LRP1B: variants seen among roughly 807,000 people sequenced by gnomAD.
The protein encoded by LRP1B is low-density lipoprotein receptor-related protein 1B.
LRP1B carries 217 observed loss-of-function variants against 556.6 expected under a neutral mutation model. That is an observed-to-expected ratio of 0.39 (90% CI 0.35 to 0.44). LRP1B has a LOEUF of 0.44. Ranked by LOEUF, LRP1B falls within the 20% of genes least tolerant of loss-of-function variation. The probability of loss-of-function intolerance (pLI) is 1.00; values close to 1 mark genes in which losing one functional copy is unlikely to be tolerated. For missense variants in LRP1B, 5,053 were observed against 5,620.8 expected (o/e 0.90, Z 3.23); for synonymous variants, 2,047 against 1,865.8 (o/e 1.10, Z -2.50).
chr2:141,551,339 A>G (rs1158461004), intron 2 of LRP1B, among the ~76,000 whole-genome samples: 2 of 152,140 alleles, frequency 1.3e-5, no homozygotes, highest in East Asian at 3.9e-4. Flanking sequence ...AACATTTAAA[A>G]AAGAGCTTCT....
chr2:140,760,430 C>T (rs1244068774), intron 35 of LRP1B, among the ~76,000 whole-genome samples: 3 of 152,128 alleles, frequency 2.0e-5, no homozygotes, highest in African/African-American at 4.8e-5. Context: ...TACACAATTT[C>T]CCCCACTTGA....
At chr2:141,421,608 A>G (rs1204587786) in intron 3 of LRP1B, among the ~76,000 whole-genome samples, 1 of 152,192 alleles carries the variant, frequency 6.6e-6, no homozygotes, top group Non-Finnish European at 1.5e-5. Context: ...TTTGAAAATG[A>G]CATTTAACCT....
At chr2:141,436,365 T>A (rs1032920236) in intron 3 of LRP1B, among the ~76,000 whole-genome samples, 3 of 152,114 alleles carry the variant, frequency 2.0e-5, no homozygotes, top group Non-Finnish European at 2.9e-5. Context: ...TCTAAAAGCA[T>A]TGAACTCATA....
chr2:141,185,697 C>CAAAAAAAAAAAAAAAAAAAA (rs533419513), intron 7 of LRP1B, among the ~76,000 whole-genome samples: 1 of 77,792 alleles, frequency 1.3e-5, no homozygotes. Flanking sequence ...CAAAAAAAAA[C>CAAAAAAAAAAAAAAAAAAAA]AAAAAAAAAA....
At chr2:141,982,728 C>G (rs1702076759) in intron 1 of LRP1B, among the ~76,000 whole-genome samples, 1 of 152,076 alleles carries the variant, frequency 6.6e-6, no homozygotes, top group South Asian at 2.1e-4. Context: ...ACTGTCTCAC[C>G]TTAGTTATTC....
intron 7 of LRP1B, among the ~76,000 whole-genome samples, chr2:141,075,840 G>A (rs566005650): frequency 2.0e-5 from 3 of 152,244 alleles, no homozygotes; most frequent in Admixed American, 1.3e-4. Context: ...ACTAAATGGA[G>A]GAAAACAGTG....
At chr2:141,059,281 G>T (rs953566515) in intron 8 of LRP1B, among the ~76,000 whole-genome samples, 5 of 151,840 alleles carry the variant, frequency 3.3e-5, no homozygotes, top group African/African-American at 1.2e-4. Context: ...TGTAGGGACA[G>T]AATTGTATTC....
chr2:141,265,489 G>A (rs1684851880), intron 3 of LRP1B, among the ~76,000 whole-genome samples: 1 of 152,164 alleles, frequency 6.6e-6, no homozygotes, highest in Admixed American at 6.5e-5. Flanking sequence ...GAGCCTTGAG[G>A]TCTATGCTGT....
intron 7 of LRP1B, among the ~76,000 whole-genome samples, chr2:141,131,845 T>G (rs193058091): frequency 1.3e-5 from 2 of 151,726 alleles, no homozygotes; most frequent in East Asian, 3.9e-4. Flanking sequence ...CATTTTTTTT[T>G]AATTTCCATA....
intron 76 of LRP1B, among the ~76,000 whole-genome samples, chr2:140,351,413 GA>G (rs1171413281): frequency 6.6e-6 from 1 of 151,872 alleles, no homozygotes; most frequent in Non-Finnish European, 1.5e-5. Context: ...AAAAGTTTCT[GA>G]TTACTTAATT....
chr2:140,558,512 A>G (rs767561653), intron 43 of LRP1B, among the ~76,000 whole-genome samples: 3 of 152,156 alleles, frequency 2.0e-5, no homozygotes, highest in Non-Finnish European at 4.4e-5. Context: ...CACATATTAT[A>G]TGATTTAATT....
At chr2:140,919,269 A>G (rs1037334611) in intron 21 of LRP1B, among the ~76,000 whole-genome samples, 2 of 152,124 alleles carry the variant, frequency 1.3e-5, no homozygotes, top group Admixed American at 6.6e-5. Context: ...GGCCCACTCC[A>G]TTATTTCCAG....
intron 3 of LRP1B, among the ~76,000 whole-genome samples, chr2:141,259,671 A>T (rs1451070264): frequency 1.3e-5 from 2 of 152,128 alleles, no homozygotes; most frequent in Non-Finnish European, 2.9e-5. Context: ...ATCAGCGAAA[A>T]ATTGGATTAT....
chr2:140,371,421 CTG>C (rs1682988755), intron 69 of LRP1B, 136 bp from the exon 70 acceptor site: 1 of 399,510 alleles, frequency 2.5e-6, no homozygotes, highest in Non-Finnish European at 4.6e-6. Flanking sequence ...CATTTAATGA[CTG>C]GTATTACAGA....
At chr2:141,577,750 C>T (rs1214714058) in intron 2 of LRP1B, among the ~76,000 whole-genome samples, 1 of 152,148 alleles carries the variant, frequency 6.6e-6, no homozygotes, top group African/African-American at 2.4e-5. Flanking sequence ...TTAAATTGTA[C>T]TTTTGTGACT....
At chr2:141,499,023 T>A (rs1420521521) in intron 2 of LRP1B, among the ~76,000 whole-genome samples, 2 of 152,118 alleles carry the variant, frequency 1.3e-5, no homozygotes. Context: ...AATTAATGTC[T>A]CTACTCTGAT....
chr2:142,046,599 C>T (rs564824844), intron 1 of LRP1B, among the ~76,000 whole-genome samples: 11 of 151,988 alleles, frequency 7.2e-5, no homozygotes, highest in South Asian at 4.1e-4. Context: ...AAAAATAGAA[C>T]GTGTGTAAAA....
intron 22 of LRP1B, 63 bp from the exon 23 acceptor site, chr2:140,903,228 C>G (rs2105223956): frequency 1.3e-6 from 2 of 1,531,130 alleles, no homozygotes; most frequent in Non-Finnish European, 8.9e-7. Context: ...AAATACTAAT[C>G]ATTGAACTCA....
chr2:142,048,225 T>A (rs1186395105), intron 1 of LRP1B, among the ~76,000 whole-genome samples: 1 of 152,086 alleles, frequency 6.6e-6, no homozygotes, highest in Non-Finnish European at 1.5e-5. Context: ...GATTTGGAAA[T>A]GGAATTATAA....
Sources: gnomAD v4.1 joint callset for allele counts (sites outside exome capture counted in the v4.1 genomes callset) on GRCh38, gnomAD v4.1.1 for gene constraint, MANE v1.5 for transcripts, NCBI Gene and HGNC (gene_info 2026-07-23, HGNC 2026-07-21) for gene names.